LRP1B: variants seen among roughly 807,000 people sequenced by gnomAD.
LRP1B encodes the protein LDL receptor related protein 1B.
In LRP1B, 217 loss-of-function variants were observed where a neutral mutation model predicts 556.6. The observed-to-expected ratio is 0.39, with a 90% confidence interval of 0.35 to 0.44. The LOEUF (loss-of-function observed/expected upper bound fraction) is 0.44, where lower values mean the gene tolerates loss of function less well. Among genes scored for constraint, LRP1B ranks in the 20% least tolerant of loss-of-function variants. The probability of loss-of-function intolerance (pLI) is 1.00; values close to 1 mark genes in which losing one functional copy is unlikely to be tolerated. For missense variants in LRP1B, 5,053 were observed against 5,620.8 expected (o/e 0.90, Z 3.23); for synonymous variants, 2,047 against 1,865.8 (o/e 1.10, Z -2.50).
chr2:140,898,175 C>T (rs1347622816), intron 23 of LRP1B, among the ~76,000 whole-genome samples: 1 of 152,144 alleles, frequency 6.6e-6, no homozygotes. Flanking sequence ...AGATCATACA[C>T]TTTTTGTCCA....
intron 41 of LRP1B, among the ~76,000 whole-genome samples, chr2:140,617,183 T>G (rs1382146042): frequency 1.3e-5 from 2 of 151,926 alleles, no homozygotes; most frequent in African/African-American, 4.8e-5. Flanking sequence ...TGCTCTTTTC[T>G]TTTTCTTTTT....
At chr2:141,554,694 T>C (rs1207794057) in intron 2 of LRP1B, among the ~76,000 whole-genome samples, 2 of 152,006 alleles carry the variant, frequency 1.3e-5, no homozygotes, top group Non-Finnish European at 2.9e-5. Context: ...GAAGCCAATA[T>C]GTATAAATAT....
chr2:142,067,884 A>T (rs946177163), intron 1 of LRP1B, among the ~76,000 whole-genome samples: 4 of 151,598 alleles, frequency 2.6e-5, no homozygotes, highest in African/African-American at 9.7e-5. Flanking sequence ...CTAGTTCTAA[A>T]AACAGAAAAA....
At chr2:141,507,257 T>C (rs1373268231) in intron 2 of LRP1B, among the ~76,000 whole-genome samples, 1 of 152,180 alleles carries the variant, frequency 6.6e-6, no homozygotes, top group African/African-American at 2.4e-5. Context: ...CAGCTTACTA[T>C]GGGAAAGATA....
chr2:140,989,462 G>T, intron 17 of LRP1B, 70 bp downstream of exon 17: 1 of 1,562,918 alleles, frequency 6.4e-7, no homozygotes, highest in Non-Finnish European at 8.8e-7. Context: ...TTAGTTCAAA[G>T]CATTTACTTG....
chr2:140,916,145 C>A (rs929051010), intron 21 of LRP1B, among the ~76,000 whole-genome samples: 2 of 152,064 alleles, frequency 1.3e-5, no homozygotes, highest in South Asian at 2.1e-4. Context: ...CAATGAACAG[C>A]TTGCCATATT....
At chr2:141,554,508 G>A (rs1435898635) in intron 2 of LRP1B, among the ~76,000 whole-genome samples, 2 of 151,572 alleles carry the variant, frequency 1.3e-5, no homozygotes, top group African/African-American at 4.8e-5. Context: ...GGATTAGAGA[G>A]TACATTTTTA....
intron 66 of LRP1B, among the ~76,000 whole-genome samples, chr2:140,398,035 A>T (rs1409093615): frequency 6.6e-6 from 1 of 152,182 alleles, no homozygotes; most frequent in African/African-American, 2.4e-5. Context: ...ATGAAGCTTT[A>T]AACTTATCAT....
At chr2:141,616,334 T>G (rs558768872) in intron 2 of LRP1B, among the ~76,000 whole-genome samples, 6 of 151,938 alleles carry the variant, frequency 3.9e-5, no homozygotes, top group African/African-American at 1.4e-4. Flanking sequence ...ACATAAACTT[T>G]ATATGAACAA....
In LRP1B at chr2:140,990,122, G is replaced by A. The variant is rs138242598; in HGVS notation, c.2645-465C>T. Among the ~76,000 whole-genome samples the A allele has an allele frequency of 3.1e-3, 472 of 152,050 alleles. 2 individuals carry two copies. The highest frequency in any genetic ancestry group is 5.4e-3 in the Non-Finnish European group (368 of 67,966). ...CTTGGGAGGCTGAGGCAGGAGAATC[G>A]CTTGAACCCAAGAGGCGGAGGTTGC... On this transcript the variant is annotated intron_variant, in intron 16 of 90. Coordinates refer to ENST00000389484, the MANE Select transcript of LRP1B (RefSeq NM_018557.3).
chr2:140,485,623 A>C, intron 58 of LRP1B, 99 bp from the exon 59 acceptor site: 3 of 783,706 alleles, frequency 3.8e-6, no homozygotes, highest in Non-Finnish European at 6.0e-6. Flanking sequence ...ATTCCATTTA[A>C]ATGTAAAGAA....
intron 24 of LRP1B, among the ~76,000 whole-genome samples, chr2:140,885,302 A>G (rs1193403864): frequency 3.9e-5 from 6 of 152,058 alleles, no homozygotes; most frequent in Non-Finnish European, 5.9e-5. Context: ...TGTCCTTGGA[A>G]TGGTACATGG....
chr2:140,932,389 C>T (rs1695075682), intron 20 of LRP1B, among the ~76,000 whole-genome samples: 1 of 152,098 alleles, frequency 6.6e-6, no homozygotes, highest in African/African-American at 2.4e-5. Flanking sequence ...GGAACCCTGA[C>T]ACACTCATTT....
At chr2:141,860,715 T>A (rs1698211564) in intron 1 of LRP1B, among the ~76,000 whole-genome samples, 1 of 152,154 alleles carries the variant, frequency 6.6e-6, no homozygotes, top group Admixed American at 6.5e-5. Flanking sequence ...AAGGGAAATG[T>A]TTGCATGGTA....
At chr2:141,148,423 G>A (rs909365064) in intron 7 of LRP1B, among the ~76,000 whole-genome samples, 1 of 152,158 alleles carries the variant, frequency 6.6e-6, no homozygotes, top group Non-Finnish European at 1.5e-5. Context: ...GAGGAAAGAC[G>A]TTTTGTTGGT....
intron 2 of LRP1B, among the ~76,000 whole-genome samples, chr2:141,586,295 A>G (rs748885909): frequency 2.0e-5 from 3 of 152,206 alleles, no homozygotes; most frequent in Non-Finnish European, 4.4e-5. Context: ...CACTTTGGAT[A>G]GATTCTTAGC....
At chr2:140,546,274 C>T (rs1160452337) in intron 43 of LRP1B, among the ~76,000 whole-genome samples, 1 of 152,032 alleles carries the variant, frequency 6.6e-6, no homozygotes, top group African/African-American at 2.4e-5. Flanking sequence ...CCCCTTCTTT[C>T]TTTCTCTTGC....
At chr2:140,395,783 A>G (rs1684221858) in intron 66 of LRP1B, among the ~76,000 whole-genome samples, 1 of 152,204 alleles carries the variant, frequency 6.6e-6, no homozygotes, top group Admixed American at 6.6e-5. Context: ...ATGCAATGTA[A>G]TATTCAGTGG....
chr2:141,712,857 T>G (rs2105481261), intron 2 of LRP1B, among the ~76,000 whole-genome samples: 1 of 147,716 alleles, frequency 6.8e-6, no homozygotes, highest in South Asian at 2.2e-4. Flanking sequence ...TTTTTTTTTT[T>G]TTAGTAGAGA....
Sources: gnomAD v4.1 joint callset for allele counts (sites outside exome capture counted in the v4.1 genomes callset) on GRCh38, gnomAD v4.1.1 for gene constraint, MANE v1.5 for transcripts, NCBI Gene and HGNC (gene_info 2026-07-23, HGNC 2026-07-21) for gene names.